The following SLC25A13 variants were observed in gnomAD, a reference collection of about 807,000 sequenced individuals.
The protein encoded by SLC25A13 is electrogenic aspartate/glutamate antiporter SLC25A13, mitochondrial.
Under a neutral mutation model 85.5 loss-of-function variants are expected in SLC25A13, and 70 were observed. That is an observed-to-expected ratio of 0.82 (90% CI 0.68 to 1.00). The LOEUF is 1.00. Ranked by LOEUF, SLC25A13 falls within the 50% of genes least tolerant of loss-of-function variation. The probability of loss-of-function intolerance (pLI) is 0.00; values close to 1 mark genes in which losing one functional copy is unlikely to be tolerated. For missense variants in SLC25A13, 765 were observed against 819.8 expected (o/e 0.93, Z 0.82); for synonymous variants, 259 against 288.7 (o/e 0.90, Z 1.04).
At chr7:96,194,131 T>C (rs1460935041) in intron 5 of SLC25A13, among the ~76,000 whole-genome samples, 1 of 151,946 alleles carries the variant, frequency 6.6e-6, no homozygotes, top group Non-Finnish European at 1.5e-5. Context: ...AGCTAACTTC[T>C]ATGCAATTAA....
intron 2 of SLC25A13, among the ~76,000 whole-genome samples, chr7:96,281,630 C>T (rs1299592886): frequency 2.0e-5 from 3 of 152,022 alleles, no homozygotes; most frequent in South Asian, 2.1e-4. Context: ...CTGGGATGCT[C>T]GTTACATGGG....
Position 96,121,231 on chromosome 7 carries a change from G to A in SLC25A13, c.1988C>T (p.Pro663Leu). ...KFGLYLPLFK[P>L]SVSTSKAIGG... is the part of the protein sequence containing the mutation. ...AATAGCCTTTGAGGTAGATACTGAT[G>A]GCTTGAAGAGAGGTAGGTAAAGTCC... The change falls in exon 18 of 18, where the codon CCA (proline) becomes CTA (leucine). Residue 663 changes from proline to leucine, a missense_variant. Coordinates refer to ENST00000265631, the MANE Select transcript of SLC25A13 (RefSeq NM_014251.3). The A allele has an allele frequency of 6.2e-7, 1 of 1,614,128 alleles. No homozygotes were observed. Among genetic ancestry groups the A allele is most frequent in the Non-Finnish European group, 8.5e-7 (1 of 1,180,018 alleles).
At chr7:96,288,330 C>T (rs1798971307) in intron 2 of SLC25A13, among the ~76,000 whole-genome samples, 2 of 152,202 alleles carry the variant, frequency 1.3e-5, no homozygotes, top group South Asian at 4.1e-4. Flanking sequence ...CAGTCTACAG[C>T]TCCCAGCGTG....
intron 3 of SLC25A13, among the ~76,000 whole-genome samples, chr7:96,250,420 T>C (rs1282288665): frequency 1.3e-5 from 2 of 152,206 alleles, no homozygotes; most frequent in African/African-American, 4.8e-5. Context: ...TGTCTTTACT[T>C]AACTCTACGG....
At position 96,151,940 on chromosome 7, in the gene SLC25A13, G is replaced by A. The variant is rs535248248; in HGVS notation, c.1312-5244C>T. Reference sequence around the variant, plus strand: ...AGCCTGAGTGACAAAGCAAGACTCCGTCTCAATAAAAATAAATAAATAAAT... The same window carrying A: ...AGCCTGAGTGACAAAGCAAGACTCCATCTCAATAAAAATAAATAAATAAAT... On this transcript the variant is annotated intron_variant, in intron 13 of 17. Coordinates refer to ENST00000265631, the MANE Select transcript of SLC25A13 (RefSeq NM_014251.3). Among the ~76,000 whole-genome samples, 12 of 152,252 alleles carry A rather than the reference G, an allele frequency of 7.9e-5. No individual in the cohort carries two copies. In the South Asian group the frequency reaches 1.2e-3, roughly 16 times the overall value.
rs555574932 is a variant in SLC25A13, at chr7:96,186,358, G to C, written c.934-1347C>G. Among the ~76,000 whole-genome samples, 5 of 152,284 alleles carry C rather than the reference G, an allele frequency of 3.3e-5. No individual in the cohort carries two copies. In the East Asian group the frequency reaches 9.7e-4, roughly 29 times the overall value. On this transcript the variant is annotated intron_variant, in intron 9 of 17. Transcript: ENST00000265631. Reference sequence around the variant, plus strand: ...GCAGGAGAATCACTTGAACCTGGGAGGCGGAGGCTGCAGTGAGCCAAGATC... The same window carrying C: ...GCAGGAGAATCACTTGAACCTGGGACGCGGAGGCTGCAGTGAGCCAAGATC...
chr7:96,190,516 G>T (rs1794806266), intron 7 of SLC25A13, among the ~76,000 whole-genome samples: 1 of 152,050 alleles, frequency 6.6e-6, no homozygotes, highest in African/African-American at 2.4e-5. Flanking sequence ...TTCCTTAGAG[G>T]TTGCCAATTT....
chr7:96,268,639 T>C (rs1402076082), intron 3 of SLC25A13, among the ~76,000 whole-genome samples: 1 of 152,228 alleles, frequency 6.6e-6, no homozygotes, highest in Non-Finnish European at 1.5e-5. Flanking sequence ...ACAAAGAGTA[T>C]TAACAGCAAG....
At position 96,296,910 on chromosome 7, in the gene SLC25A13, T is replaced by C. The variant is rs1584587191; in HGVS notation, c.57A>G (p.Thr19=). The C allele has an allele frequency of 1.2e-6, 2 of 1,613,528 alleles. No individual in the cohort carries two copies. The highest frequency in any genetic ancestry group is 2.2e-5 in the East Asian group (1 of 44,838). Residue 19 remains threonine (T), a synonymous_variant, in exon 2 of 18, where the codon ACA becomes ACG. Coordinates refer to ENST00000265631, the MANE Select transcript of SLC25A13 (RefSeq NM_014251.3). The part of the protein sequence containing the change: ...TKRADPAELR[T]IFLKYASIEK... Reference sequence around the variant, plus strand: ...CCTTTATACTGACCTTCAAAAATATTGTTCTAAGCTCAGCTGGATCTGCTC... The same window carrying C: ...CCTTTATACTGACCTTCAAAAATATCGTTCTAAGCTCAGCTGGATCTGCTC...
intron 3 of SLC25A13, among the ~76,000 whole-genome samples, chr7:96,248,999 A>T (rs1797311387): frequency 1.3e-5 from 2 of 152,220 alleles, no homozygotes; most frequent in South Asian, 4.1e-4. Context: ...TACAAATAAG[A>T]ATTAAAATAA....
At chr7:96,152,086 C>A (rs1445677782) in intron 13 of SLC25A13, among the ~76,000 whole-genome samples, 1 of 152,152 alleles carries the variant, frequency 6.6e-6, no homozygotes, top group Non-Finnish European at 1.5e-5. Context: ...GGCTGGATGC[C>A]AGCGGCACAC....
At chr7:96,178,109 C>T (rs1352387239) in intron 11 of SLC25A13, among the ~76,000 whole-genome samples, 1 of 152,150 alleles carries the variant, frequency 6.6e-6, no homozygotes, top group East Asian at 1.9e-4. Context: ...GAATATTAGA[C>T]TCCTTAAAAC....
At chr7:96,189,092 G>GA (rs1449391511) in intron 9 of SLC25A13, among the ~76,000 whole-genome samples, 2 of 152,224 alleles carry the variant, frequency 1.3e-5, no homozygotes, top group African/African-American at 4.8e-5. Flanking sequence ...AGCAAGAAAT[G>GA]AGCAAATGCC....
At chr7:96,211,881 G>C (rs971298572) in intron 4 of SLC25A13, among the ~76,000 whole-genome samples, 1 of 152,020 alleles carries the variant, frequency 6.6e-6, no homozygotes, top group African/African-American at 2.4e-5. Context: ...CATGTTGAGG[G>C]GCTGAAAAAA....
chr7:96,305,420 A>G (rs1459971796), intron 1 of SLC25A13, among the ~76,000 whole-genome samples: 1 of 152,260 alleles, frequency 6.6e-6, no homozygotes, highest in Non-Finnish European at 1.5e-5. Context: ...TGCCTAGTGC[A>G]GAATATTATT....
At chr7:96,200,723 G>T (rs1795223820) in intron 5 of SLC25A13, among the ~76,000 whole-genome samples, 1 of 152,084 alleles carries the variant, frequency 6.6e-6, no homozygotes, top group Non-Finnish European at 1.5e-5. Flanking sequence ...CAATTTCCTT[G>T]CTCTTCTAAT....
intron 6 of SLC25A13, among the ~76,000 whole-genome samples, 162 bp downstream of exon 6, chr7:96,192,875 T>C (rs569827845): frequency 6.6e-6 from 1 of 152,228 alleles, no homozygotes; most frequent in African/African-American, 2.4e-5. Context: ...CCACTAAAAC[T>C]AGCCAAAACA....
rs2116380508 is a variant in SLC25A13 at position 96,121,295 on chromosome 7, G to A, written c.1924C>T (p.Leu642=). 1.2e-6 allele frequency: 2 copies of A among 1,614,164 alleles called. No individual in the cohort carries two copies. Among genetic ancestry groups the A allele is most frequent in the Non-Finnish European group, 1.7e-6 (2 of 1,180,024 alleles). ...ATCCCTGCAAATGTAGCAACTGCCAGTTTGTAGCCCCCAACGTGATCAGGA... is the reference window on the plus strand; with the variant it reads ...ATCCCTGCAAATGTAGCAACTGCCAATTTGTAGCCCCCAACGTGATCAGGA... ...PNPDHVGGYK[L]AVATFAGIEN... The change falls in exon 18 of 18, where the codon CTG becomes TTG. Residue 642 remains leucine, a synonymous_variant. Coordinates refer to ENST00000265631, the MANE Select transcript of SLC25A13 (RefSeq NM_014251.3).
chr7:96,285,669 C>T (rs1316231051), intron 2 of SLC25A13, among the ~76,000 whole-genome samples: 10 of 152,246 alleles, frequency 6.6e-5, no homozygotes, highest in African/African-American at 2.2e-4. Context: ...TTGGGGTATG[C>T]CAACTTTAAG....
Sources: allele counts gnomAD v4.1 joint callset (sites outside exome capture counted in the v4.1 genomes callset), GRCh38; gene constraint gnomAD v4.1.1; transcripts MANE v1.5; gene names NCBI Gene and HGNC (gene_info 2026-07-23, HGNC 2026-07-21).